The following NR1I2 variants were observed in gnomAD, a reference collection of about 807,000 sequenced individuals.
NR1I2 encodes the protein nuclear receptor subfamily 1 group I member 2.
A neutral mutation model predicts 43.3 loss-of-function variants in NR1I2; 42 were observed. The observed-to-expected ratio is 0.97, with a 90% CI of 0.76 to 1.26. NR1I2 has a LOEUF of 1.26. Among genes scored for constraint, NR1I2 ranks in the 50% most tolerant of loss-of-function variants. The pLI is 0.00. For missense variants in NR1I2, 559 were observed against 566.7 expected, an observed-to-expected ratio of 0.99 and a Z score of 0.14; for synonymous variants, 229 against 215.0, an observed-to-expected ratio of 1.06 and a Z score of -0.57.
intron 2 of NR1I2, among the ~76,000 whole-genome samples, chr3:119,808,897 C>A (rs1375415352): frequency 6.6e-6 from 1 of 152,236 alleles, no homozygotes; most frequent in African/African-American, 2.4e-5. Context: ...ATCTTTTACC[C>A]ATTCTCAGTG....
intron 1 of NR1I2, among the ~76,000 whole-genome samples, chr3:119,805,338 T>C (rs74280533): frequency 6.6e-6 from 1 of 152,158 alleles, no homozygotes; most frequent in East Asian, 1.9e-4. Flanking sequence ...CATATTTCTT[T>C]GAAATTATAT....
At position 119,815,015 on chromosome 3, in the gene NR1I2, G is replaced by T. The variant is rs371067095; in HGVS notation, c.831G>T (p.Lys277Asn). The change falls in exon 6 of 9, where the codon AAG becomes AAT. Residue 277 changes from lysine to asparagine, a missense_variant. By Grantham distance (94) the Lys-to-Asn change is moderately conservative. Coordinates refer to ENST00000393716, the MANE Select transcript of NR1I2 (RefSeq NM_003889.4). ...TCGAGGACCAGATCTCCCTGCTGAA[G>T]GGGGCCGCTTTCGAGCTGTGTCAAC... 5.6e-5 allele frequency: 91 copies of T among 1,614,194 alleles called. No homozygotes were observed. The highest frequency in any genetic ancestry group is 1.7e-4 in the Middle Eastern group (1 of 6,060).
At position 119,810,159 on chromosome 3, in the gene NR1I2, T is replaced by C. The variant is rs1305029551; in HGVS notation, c.296T>C (p.Leu99Pro). The C allele has an allele frequency of 6.2e-7, 1 of 1,612,410 alleles. No homozygotes were observed. Among genetic ancestry groups the C allele is most frequent in the African/African-American group, 1.3e-5 (1 of 75,028 alleles). ...CGGCGACAGTGCCAGGCCTGCCGCC[T>C]GCGCAAGTGCCTGGAGAGCGGCATG... Residue 99 changes from leucine to proline, a missense_variant, in exon 3 of 9, where the codon CTG becomes CCG. By Grantham distance (98) the Leu-to-Pro change is moderately conservative. Coordinates refer to ENST00000393716, the MANE Select transcript of NR1I2 (RefSeq NM_003889.4).
intron 2 of NR1I2, 72 bp from the exon 3 acceptor site, chr3:119,809,985 GTGGT>G (rs2055214509): frequency 6.3e-7 from 1 of 1,590,412 alleles, no homozygotes. Context: ...GGGGAGGGAG[GTGGT>G]ATGGCCCGGA....
At chr3:119,785,127 G>A (rs1207861853) in intron 1 of NR1I2, among the ~76,000 whole-genome samples, 1 of 152,186 alleles carries the variant, frequency 6.6e-6, no homozygotes, top group Non-Finnish European at 1.5e-5. Context: ...AGCCATGAAA[G>A]TAGATAGTCT....
At position 119,818,166 on chromosome 3, in the gene NR1I2, T is replaced by C; in HGVS notation, c.*954T>C. The C allele has an allele frequency of 1.0e-6, 1 of 985,746 alleles. No individual in the cohort carries two copies. The highest frequency in any genetic ancestry group is 1.2e-6 in the Non-Finnish European group (1 of 830,040). The allele number at this position is 985,746 out of a possible 1,614,324, so 61.1% of individuals were successfully genotyped here. On this transcript the variant is annotated 3_prime_UTR_variant, in exon 9 of 9. Transcript: ENST00000393716. ...GGTGTAGGTAGGTCTGTTTGCCACT[T>C]GATGGGGCCTGGGTTTGTTCCTGGG...
At chr3:119,791,771 T>C in intron 1 of NR1I2, 1 of 426,202 alleles carries the variant, frequency 2.3e-6, no homozygotes, top group Non-Finnish European at 4.5e-6. Context: ...AAAAATTAGA[T>C]GTGGAGTTCA....
At chr3:119,786,128 AC>A (rs1223849522) in intron 1 of NR1I2, among the ~76,000 whole-genome samples, 1 of 152,196 alleles carries the variant, frequency 6.6e-6, no homozygotes, top group Non-Finnish European at 1.5e-5. Flanking sequence ...AGCCACTAGG[AC>A]CCTTGGAATG....
chr3:119,816,932 A>G, intron 8 of NR1I2, 136 bp from the exon 9 acceptor site: 1 of 1,111,598 alleles, frequency 9.0e-7, no homozygotes, highest in Non-Finnish European at 1.3e-6. Flanking sequence ...AGAGAAGCTT[A>G]CGGAATTCAG....
chr3:119,810,235 C>T (rs2055220349), intron 3 of NR1I2, 41 bp downstream of exon 3: 2 of 1,559,206 alleles, frequency 1.3e-6, no homozygotes, highest in African/African-American at 2.7e-5. Context: ...CCGGGGTGCA[C>T]GGCTCTGAGT....
At chr3:119,782,631 A>C in intron 1 of NR1I2, 1 of 703,042 alleles carries the variant, frequency 1.4e-6, no homozygotes. Context: ...GAGTCCCTGG[A>C]CCCAGGAAAT....
At chr3:119,803,329 CT>C (rs11389476) in intron 1 of NR1I2, among the ~76,000 whole-genome samples, 11 of 142,202 alleles carry the variant, frequency 7.7e-5, no homozygotes, top group South Asian at 2.3e-4. Context: ...TCTTTTCTTT[CT>C]TTTTTTTTTC....
Position 119,817,164 on chromosome 3 carries a change from CT to C in NR1I2, c.1260del (p.Phe420LeufsTer63). 6.2e-7 allele frequency: 1 copy of C among 1,614,206 alleles called. No individual in the cohort carries two copies. Among genetic ancestry groups the C allele is most frequent in the Non-Finnish European group, 8.5e-7 (1 of 1,180,032 alleles). ...TGCTGCGCATCCAGGACATACACCCCTTTGCTACGCCCCTCATGCAGGAGTT... is the reference window on the plus strand; with the variant it reads ...TGCTGCGCATCCAGGACATACACCCCTTGCTACGCCCCTCATGCAGGAGTT... On this transcript the variant is annotated frameshift_variant, in exon 9 of 9. Transcript: ENST00000393716. LOFTEE classifies it high-confidence loss of function.
chr3:119,808,710 T>C (rs1429423963), intron 2 of NR1I2, among the ~76,000 whole-genome samples: 2 of 152,248 alleles, frequency 1.3e-5, no homozygotes, highest in African/African-American at 4.8e-5. Context: ...CAGCTTGTCA[T>C]GTACCTGGAG....
At chr3:119,791,100 C>T (rs566706891) in intron 1 of NR1I2, among the ~76,000 whole-genome samples, 1 of 152,296 alleles carries the variant, frequency 6.6e-6, no homozygotes, top group South Asian at 2.1e-4. Flanking sequence ...ATGGCAGCCC[C>T]CTGGGCAGCA....
At position 119,795,599 on chromosome 3, in the gene NR1I2, G is replaced by A. The variant is rs1168284834; in HGVS notation, c.-22-11630G>A. On this transcript the variant is annotated intron_variant, in intron 1 of 8. Transcript: ENST00000393716. ...ATGCTGCCTCCTCCCTCCCATTGCCGGTGCCTGGAAATAGTCAAGGCTGGG... is the reference window on the plus strand; with the variant it reads ...ATGCTGCCTCCTCCCTCCCATTGCCAGTGCCTGGAAATAGTCAAGGCTGGG... Among the ~76,000 whole-genome samples the A allele has an allele frequency of 3.9e-5, 6 of 152,164 alleles. No individual in the cohort carries two copies. The East Asian group carries it at 7.7e-4, about 20-fold the overall frequency.
intron 2 of NR1I2, 24 bp from the exon 3 acceptor site, chr3:119,810,037 C>A (rs370569472): frequency 3.1e-6 from 5 of 1,613,486 alleles, no homozygotes; most frequent in African/African-American, 2.7e-5. Flanking sequence ...TGCATCCCCC[C>A]TTCTGCTCCC....
intron 1 of NR1I2, among the ~76,000 whole-genome samples, chr3:119,796,013 G>A (rs939972679): frequency 2.6e-5 from 4 of 152,138 alleles, no homozygotes; most frequent in African/African-American, 9.7e-5. Context: ...TGACTCCAAA[G>A]GTCACTAGTG....
chr3:119,817,232 A>G lies in NR1I2; in HGVS notation c.*20A>G, dbSNP rs754621498. ...AGCTGAGCGGCTGCCCTTGGGTGACACCTCCGAGAGGCAGCCAGACCCAGA... is the reference window on the plus strand; with the variant it reads ...AGCTGAGCGGCTGCCCTTGGGTGACGCCTCCGAGAGGCAGCCAGACCCAGA... On this transcript the variant is annotated 3_prime_UTR_variant, in exon 9 of 9. Coordinates refer to ENST00000393716, the MANE Select transcript of NR1I2 (RefSeq NM_003889.4). 1.1e-5 allele frequency: 17 copies of G among 1,612,534 alleles called. No homozygotes were observed. The Admixed American group carries it at 2.5e-4, about 24-fold the overall frequency.
Sources: allele counts gnomAD v4.1 joint callset (sites outside exome capture counted in the v4.1 genomes callset), GRCh38; gene constraint gnomAD v4.1.1; transcripts MANE v1.5; gene names NCBI Gene and HGNC (gene_info 2026-07-23, HGNC 2026-07-21).